Variants in ZNF438 observed in about 807,000 individuals in gnomAD.
ZNF438 encodes the protein zinc finger protein 438.
ZNF438 carries 25 observed loss-of-function variants against 38.0 expected under a neutral mutation model. The ratio of observed to expected loss-of-function variants is 0.66; its 90% CI spans 0.48 to 0.92. The LOEUF (loss-of-function observed/expected upper bound fraction) is 0.92. Among genes scored for constraint, ZNF438 ranks in the 40% least tolerant of loss-of-function variants. The probability of loss-of-function intolerance (pLI) is 0.00; values close to 1 mark genes in which losing one functional copy is unlikely to be tolerated. For missense variants in ZNF438, 1,007 were observed against 999.6 expected (o/e 1.01, Z -0.10); for synonymous variants, 372 against 364.1 (o/e 1.02, Z -0.25).
chr10:30,894,218 C>T (rs2041053080), intron 3 of ZNF438, among the ~76,000 whole-genome samples: 1 of 152,094 alleles, frequency 6.6e-6, no homozygotes, highest in African/African-American at 2.4e-5. Context: ...TTTATTTAAA[C>T]CCAAAAGAAA....
intron 2 of ZNF438, among the ~76,000 whole-genome samples, chr10:30,940,685 G>A (rs2046724925): frequency 6.6e-6 from 1 of 152,196 alleles, no homozygotes; most frequent in Admixed American, 6.5e-5. Context: ...ACTAAAAGTG[G>A]TTCTATATGC....
At chr10:30,977,921 G>C (rs2051598955) in intron 1 of ZNF438, among the ~76,000 whole-genome samples, 1 of 151,728 alleles carries the variant, frequency 6.6e-6, no homozygotes, top group Admixed American at 6.6e-5. Flanking sequence ...GGCCGAGGTT[G>C]CAGTGCACCG....
At chr10:30,907,831 A>C (rs981461000) in intron 3 of ZNF438, among the ~76,000 whole-genome samples, 1 of 151,386 alleles carries the variant, frequency 6.6e-6, no homozygotes, top group Non-Finnish European at 1.5e-5. Flanking sequence ...ATTCATTTGC[A>C]CTTTCATCTT....
chr10:30,973,591 A>T (rs2136270183), intron 1 of ZNF438, among the ~76,000 whole-genome samples: 1 of 152,306 alleles, frequency 6.6e-6, no homozygotes, highest in South Asian at 2.1e-4. Context: ...AAAACAAAAC[A>T]CATTTCTGAA....
chr10:30,848,450 C>A (rs2032797064), intron 5 of ZNF438, 81 bp downstream of exon 6: 2 of 1,488,072 alleles, frequency 1.3e-6, no homozygotes, highest in Non-Finnish European at 1.8e-6. Flanking sequence ...TATAAACTCT[C>A]CTTTCTGAAT....
chr10:31,009,559 C>T (rs1292030901), intron 1 of ZNF438, among the ~76,000 whole-genome samples: 3 of 152,310 alleles, frequency 2.0e-5, no homozygotes, highest in South Asian at 2.1e-4. Context: ...TCCTAGCTCA[C>T]GTGCATCCAT....
intron 1 of ZNF438, among the ~76,000 whole-genome samples, chr10:31,023,708 C>A (rs1040583602): frequency 6.6e-6 from 1 of 151,942 alleles, no homozygotes; most frequent in Non-Finnish European, 1.5e-5. Flanking sequence ...CTACCCCAGT[C>A]AATCCATCCT....
chr10:30,889,653 A>C (rs2040428375), intron 3 of ZNF438, among the ~76,000 whole-genome samples: 1 of 152,150 alleles, frequency 6.6e-6, no homozygotes, highest in Non-Finnish European at 1.5e-5. Flanking sequence ...TGATCTGCCC[A>C]CCTCGGCCTC....
chr10:30,918,292 T>G (rs577561688), intron 2 of ZNF438, among the ~76,000 whole-genome samples: 3 of 152,310 alleles, frequency 2.0e-5, no homozygotes, highest in South Asian at 4.1e-4. Context: ...TAGAATTAGC[T>G]TGCTAATTTT....
intron 1 of ZNF438, among the ~76,000 whole-genome samples, chr10:30,992,139 T>C (rs570933667): frequency 6.6e-6 from 1 of 152,360 alleles, no homozygotes; most frequent in East Asian, 1.9e-4. Flanking sequence ...AGTACCTTAC[T>C]CTTGGACTTC....
chr10:30,895,500 T>C (rs1194314536), intron 3 of ZNF438, among the ~76,000 whole-genome samples: 2 of 152,126 alleles, frequency 1.3e-5, no homozygotes, highest in East Asian at 3.8e-4. Context: ...AAGGTAAAAA[T>C]AGATAAACTG....
chr10:30,965,442 T>C (rs969821914), intron 1 of ZNF438, among the ~76,000 whole-genome samples: 2 of 151,952 alleles, frequency 1.3e-5, no homozygotes, highest in African/African-American at 4.8e-5. Context: ...TAAAGGAAAA[T>C]AAATCGTTCT....
At chr10:30,979,461 C>T (rs2051844402) in intron 1 of ZNF438, among the ~76,000 whole-genome samples, 1 of 152,174 alleles carries the variant, frequency 6.6e-6, no homozygotes, top group South Asian at 2.1e-4. Flanking sequence ...CCAAGACAAT[C>T]CTAAGCAAAA....
chr10:30,879,459 A>G (rs1022418173), intron 3 of ZNF438, among the ~76,000 whole-genome samples: 4 of 152,254 alleles, frequency 2.6e-5, no homozygotes, highest in Non-Finnish European at 5.9e-5. Flanking sequence ...ACTGACATCT[A>G]ATAAAAATTA....
intron 4 of ZNF438, among the ~76,000 whole-genome samples, chr10:30,874,146 A>ATG (rs1564541505): frequency 7.9e-5 from 4 of 50,318 alleles, no homozygotes; most frequent in African/African-American, 3.7e-4. Flanking sequence ...ATATATATAT[A>ATG]TATATATATA....
At chr10:30,925,306 C>A (rs2044786546) in intron 2 of ZNF438, among the ~76,000 whole-genome samples, 1 of 151,802 alleles carries the variant, frequency 6.6e-6, no homozygotes, top group Admixed American at 6.6e-5. Context: ...CTGTTGATGC[C>A]CAGAACTAAT....
chr10:30,991,276 T>C (rs1035398971), intron 1 of ZNF438, among the ~76,000 whole-genome samples: 3 of 152,236 alleles, frequency 2.0e-5, no homozygotes, highest in Non-Finnish European at 4.4e-5. Flanking sequence ...TCATTTTCCC[T>C]AGCCCTCTAT....
chr10:30,995,257 G>A (rs547719568), intron 1 of ZNF438, among the ~76,000 whole-genome samples: 2 of 152,130 alleles, frequency 1.3e-5, no homozygotes, highest in Non-Finnish European at 2.9e-5. Flanking sequence ...AAAGCAGCAA[G>A]AGCAAAATGA....
rs559872141 is a variant in ZNF438 at position 30,883,781 on chromosome 10, G to C, written c.-31-6716C>G. On this transcript the variant is annotated intron_variant, in intron 3 of 5. Coordinates refer to ENST00000413025, the Ensembl canonical transcript of ZNF438. ...GCGTATCCATAGTCCAGATACTCTG[G>C]AAGCTGAGGTGGGAGGATCCCTTGA... is the stretch of plus-strand genomic sequence containing the variant. Among the ~76,000 whole-genome samples the C allele has an allele frequency of 4.6e-5, 7 of 152,316 alleles. No homozygotes were observed. In the East Asian group the frequency reaches 1.3e-3, roughly 29 times the overall value.
Sources: gnomAD v4.1 joint callset for allele counts (sites outside exome capture counted in the v4.1 genomes callset) on GRCh38, gnomAD v4.1.1 for gene constraint, MANE v1.5 for transcripts, NCBI Gene and HGNC (gene_info 2026-07-23, HGNC 2026-07-21) for gene names.